Variants in FBN1 observed in about 807,000 individuals in gnomAD.
FBN1 encodes the protein fibrillin-1.
FBN1 carries 29 observed loss-of-function variants against 365.1 expected under a neutral mutation model. That is an observed-to-expected ratio of 0.08 (90% confidence interval 0.06 to 0.11). The LOEUF is 0.11. Ranked by LOEUF, FBN1 falls within the 10% of genes least tolerant of loss-of-function variation. The pLI is 1.00. For missense variants in FBN1, 2,476 were observed against 3,703.2 expected (o/e 0.67, Z 8.60); for synonymous variants, 1,210 against 1,270.5 (o/e 0.95, Z 1.01).
chr15:48,550,137 A>G (rs2044130562), intron 6 of FBN1, among the ~76,000 whole-genome samples: 1 of 152,236 alleles, frequency 6.6e-6, no homozygotes. Context: ...GTCTCGAGTT[A>G]GACACATCAC....
intron 6 of FBN1, among the ~76,000 whole-genome samples, chr15:48,557,257 A>G (rs932896093): frequency 1.3e-5 from 2 of 152,304 alleles, no homozygotes; most frequent in East Asian, 3.9e-4. Flanking sequence ...GATGAAAAAA[A>G]CTGAGATTGG....
rs868335175 is a variant in FBN1, at chr15:48,568,048, A to G, written c.538+28235T>C. On this transcript the variant is annotated intron_variant, in intron 6 of 65. Transcript: ENST00000316623. ...AAGAAAGAAAGAAAGAAAGAAAGAA[A>G]GAAGAAAGAAAGAAAGAAAGAAAGA... Among the ~76,000 whole-genome samples, 156 of 77,696 alleles carry G rather than the reference A, an allele frequency of 2.0e-3. 1 individual carries two copies. Among genetic ancestry groups the G allele is most frequent in the Middle Eastern group, 5.0e-3 (1 of 202 alleles). The allele number at this position is 77,696 out of a possible 152,430, so 51.0% of individuals were successfully genotyped here. A position where few individuals can be genotyped will look rare whatever the true frequency, so the allele number is the denominator to read the frequency against.
chr15:48,426,854 A>G (rs1177762900), intron 58 of FBN1, among the ~76,000 whole-genome samples: 1 of 152,014 alleles, frequency 6.6e-6, no homozygotes, highest in African/African-American at 2.4e-5. Context: ...AATCACATCC[A>G]GTTCCATTAT....
chr15:48,529,602 C>T (rs1249853813), intron 8 of FBN1: 1 of 152,132 alleles, frequency 6.6e-6, no homozygotes, highest in Admixed American at 6.6e-5. Flanking sequence ...TTAACCTGAT[C>T]CTGACTGCCT....
chr15:48,435,114 T>C (rs1025484622), intron 53 of FBN1, among the ~76,000 whole-genome samples: 10 of 152,196 alleles, frequency 6.6e-5, no homozygotes, highest in African/African-American at 2.4e-4. Flanking sequence ...TAATGTTTAA[T>C]TCTCATTCTG....
chr15:48,537,890 C>T, intron 6 of FBN1, 82 bp from the exon 7 acceptor site: 2 of 1,378,336 alleles, frequency 1.5e-6, no homozygotes, highest in Non-Finnish European at 2.1e-6. Context: ...CTCCATCTTG[C>T]TTGACTCCAA....
In FBN1 at chr15:48,572,729, C is replaced by T. The variant is rs181501256; in HGVS notation, c.538+23554G>A. ...TCTAGCACAAATTCATGATGGCAGTCACCTCTGGAGAGAGGAATGGCAAAG... is the reference window on the plus strand; with the variant it reads ...TCTAGCACAAATTCATGATGGCAGTTACCTCTGGAGAGAGGAATGGCAAAG... On this transcript the variant is annotated intron_variant, in intron 6 of 65. Coordinates refer to ENST00000316623, the MANE Select transcript of FBN1 (RefSeq NM_000138.5). Among the ~76,000 whole-genome samples, 502 of 152,230 alleles carry T rather than the reference C, an allele frequency of 3.3e-3. 2 individuals carry two copies. Among genetic ancestry groups the T allele is most frequent in the Non-Finnish European group, 5.1e-3 (345 of 68,016 alleles).
chr15:48,526,383 A>C, intron 8 of FBN1, 128 bp from the exon 9 acceptor site: 1 of 940,712 alleles, frequency 1.1e-6, no homozygotes, highest in South Asian at 1.4e-5. Flanking sequence ...AAAAAGTAAA[A>C]ACCGCATGGA....
At chr15:48,470,564 C>G in intron 36 of FBN1, 70 bp downstream of exon 36, 1 of 1,606,482 alleles carries the variant, frequency 6.2e-7, no homozygotes, top group Non-Finnish European at 8.5e-7. Flanking sequence ...TGTGTAGTCC[C>G]AGGGAGGCTC....
At chr15:48,563,671 T>C (rs1322503954) in intron 6 of FBN1, among the ~76,000 whole-genome samples, 1 of 152,186 alleles carries the variant, frequency 6.6e-6, no homozygotes, top group East Asian at 1.9e-4. Context: ...TGGTACTCTT[T>C]CCTCGTGGGT....
rs745505784 is a variant in FBN1, at chr15:48,510,021, T to A, written c.1714+23A>T. 6 of 1,612,236 alleles carry A rather than the reference T, an allele frequency of 3.7e-6. No homozygotes were observed. In the East Asian group the frequency reaches 1.3e-4, roughly 36 times the overall value. On this transcript the variant is annotated intron_variant, in intron 14 of 65. Transcript: ENST00000316623. ...TGAAACTGCAATGGAAGGAGAGGAC[T>A]AACATTAGTATACTATTATTACCTT...
At chr15:48,483,620 C>T (rs1368932791) in intron 31 of FBN1, among the ~76,000 whole-genome samples, 198 bp downstream of exon 31, 2 of 152,194 alleles carry the variant, frequency 1.3e-5, no homozygotes, top group East Asian at 1.9e-4. Context: ...GTCCTCATAA[C>T]ATATCTGACA....
rs1375685503 is a variant in FBN1 at position 48,410,375 on chromosome 15, T to G, written c.*615A>C. 6.5e-6 allele frequency: 1 copy of G among 152,814 alleles called. No individual in the cohort carries two copies. Among genetic ancestry groups the G allele is most frequent in the African/African-American group, 2.4e-5 (1 of 41,452 alleles). The allele number at this position is 152,814 out of a possible 1,614,324, so 9.5% of individuals were successfully genotyped here. A position where few individuals can be genotyped will look rare whatever the true frequency, so the allele number is the denominator to read the frequency against. ...TTCTAGTTTATAAATGTTTCAATGATAAAAAATAGCACGATTACAGTATAC... is the reference window on the plus strand; with the variant it reads ...TTCTAGTTTATAAATGTTTCAATGAGAAAAAATAGCACGATTACAGTATAC... On this transcript the variant is annotated 3_prime_UTR_variant, in exon 66 of 66. Transcript: ENST00000316623.
At chr15:48,518,395 T>C (rs2043822553) in intron 10 of FBN1, among the ~76,000 whole-genome samples, 2 of 152,260 alleles carry the variant, frequency 1.3e-5, no homozygotes, top group Admixed American at 1.3e-4. Context: ...AACTATGTGT[T>C]AATTTTATTA....
chr15:48,644,449 A>C, intron 2 of FBN1, 157 bp downstream of exon 2: 1 of 966,150 alleles, frequency 1.0e-6, no homozygotes, highest in East Asian at 2.4e-5. Flanking sequence ...AGGTAGTTTA[A>C]CCACGAACGG....
chr15:48,603,899 T>C (rs748570195), intron 4 of FBN1, among the ~76,000 whole-genome samples: 10 of 152,176 alleles, frequency 6.6e-5, no homozygotes, highest in Non-Finnish European at 1.5e-4. Context: ...TAAGGCTCAA[T>C]AACCCAGAGC....
At chr15:48,548,184 C>G (rs1428249674) in intron 6 of FBN1, among the ~76,000 whole-genome samples, 2 of 152,156 alleles carry the variant, frequency 1.3e-5, no homozygotes, top group Admixed American at 1.3e-4. Flanking sequence ...GTCCATTTTT[C>G]AGACCTGCTA....
At chr15:48,518,597 A>G (rs532899614) in intron 10 of FBN1, among the ~76,000 whole-genome samples, 89 of 152,372 alleles carry the variant, frequency 5.8e-4, no homozygotes, top group Non-Finnish European at 1.0e-3. Context: ...AAACTGTATC[A>G]GACTGAATCT....
At chr15:48,619,830 T>G (rs1296891286) in intron 2 of FBN1, among the ~76,000 whole-genome samples, 1 of 151,642 alleles carries the variant, frequency 6.6e-6, no homozygotes, top group Non-Finnish European at 1.5e-5. Flanking sequence ...CGAGTTTACC[T>G]GTATAACAAA....
Sources: gnomAD v4.1 joint callset for allele counts (sites outside exome capture counted in the v4.1 genomes callset) on GRCh38, gnomAD v4.1.1 for gene constraint, MANE v1.5 for transcripts, NCBI Gene and HGNC (gene_info 2026-07-23, HGNC 2026-07-21) for gene names.